PTPRG: variants seen among roughly 807,000 people sequenced by gnomAD.
PTPRG encodes the protein protein tyrosine phosphatase receptor type G, also known as receptor-type tyrosine-protein phosphatase gamma.
PTPRG carries 102 observed loss-of-function variants against 165.3 expected under a neutral mutation model. That is an observed-to-expected ratio of 0.62 (90% CI 0.53 to 0.73). PTPRG has a LOEUF of 0.73. Among genes scored for constraint, PTPRG ranks in the 30% least tolerant of loss-of-function variants. The pLI is 0.00. For missense variants in PTPRG, 1,866 were observed against 1,861.4 expected (o/e 1.00, Z -0.05); for synonymous variants, 675 against 669.5 (o/e 1.01, Z -0.13).
At chr3:61,740,369 C>A (rs1370764314) in intron 1 of PTPRG, among the ~76,000 whole-genome samples, 1 of 152,102 alleles carries the variant, frequency 6.6e-6, no homozygotes, top group African/African-American at 2.4e-5. Context: ...TGGTATTTTT[C>A]AGATTTTCAT....
At chr3:61,599,675 G>C in intron 1 of PTPRG, among the ~76,000 whole-genome samples, 1 of 149,708 alleles carries the variant, frequency 6.7e-6, no homozygotes. Flanking sequence ...TTTTTTTGTA[G>C]TAGAGACGGG....
intron 2 of PTPRG, among the ~76,000 whole-genome samples, chr3:61,976,386 C>T (rs2040507245): frequency 6.6e-6 from 1 of 152,092 alleles, no homozygotes; most frequent in Non-Finnish European, 1.5e-5. Context: ...CCCTAGTTCC[C>T]AAGAGGTCTG....
intron 1 of PTPRG, among the ~76,000 whole-genome samples, chr3:61,655,794 T>C (rs948401863): frequency 3.3e-5 from 5 of 152,138 alleles, no homozygotes; most frequent in Non-Finnish European, 7.4e-5. Context: ...TTTTTGTAGA[T>C]ATAGGATCTC....
At chr3:61,772,304 T>C (rs1410954152) in intron 2 of PTPRG, among the ~76,000 whole-genome samples, 2 of 152,082 alleles carry the variant, frequency 1.3e-5, no homozygotes, top group Admixed American at 1.3e-4. Context: ...TTAGGAATGA[T>C]TGGCCTTTGT....
intron 1 of PTPRG, among the ~76,000 whole-genome samples, chr3:61,696,357 C>A (rs571167020): frequency 4.5e-4 from 69 of 152,182 alleles, no homozygotes; most frequent in African/African-American, 1.6e-3. Context: ...CAAAAATTAG[C>A]CAGGTGTGGT....
At chr3:62,084,076 T>C (rs2526424) in intron 5 of PTPRG, among the ~76,000 whole-genome samples, 50,136 of 152,028 alleles carry the variant, frequency 0.33, 10,399 homozygotes, top group African/African-American at 0.59. Flanking sequence ...AGCATCTACA[T>C]TAAGAAACGT....
intron 15 of PTPRG, among the ~76,000 whole-genome samples, chr3:62,248,915 C>A (rs1187316716): frequency 6.6e-6 from 1 of 152,100 alleles, no homozygotes; most frequent in Non-Finnish European, 1.5e-5. Context: ...CAGCAGGGTG[C>A]CAGAATATAA....
chr3:61,635,631 G>A (rs73098769), intron 1 of PTPRG, among the ~76,000 whole-genome samples: 182 of 152,108 alleles, frequency 1.2e-3, no homozygotes, highest in Non-Finnish European at 2.0e-3. Context: ...ACACATGTGA[G>A]CCACTGCACT....
chr3:61,638,150 C>T (rs1017172785), intron 1 of PTPRG, among the ~76,000 whole-genome samples: 3 of 152,110 alleles, frequency 2.0e-5, no homozygotes, highest in African/African-American at 7.2e-5. Flanking sequence ...TCCCAAGTGG[C>T]CTTATAAAAA....
chr3:62,104,346 T>G (rs1418439038), intron 5 of PTPRG, among the ~76,000 whole-genome samples: 1 of 152,224 alleles, frequency 6.6e-6, no homozygotes, highest in African/African-American at 2.4e-5. Flanking sequence ...CTTTGTTTTG[T>G]CAGCCAAATA....
chr3:62,045,354 T>C (rs1559764492), intron 4 of PTPRG, among the ~76,000 whole-genome samples: 1 of 152,204 alleles, frequency 6.6e-6, no homozygotes, highest in Non-Finnish European at 1.5e-5. Flanking sequence ...GAAGGAAATT[T>C]AAATTTACCC....
At chr3:61,648,996 G>T (rs1702276634) in intron 1 of PTPRG, among the ~76,000 whole-genome samples, 1 of 152,164 alleles carries the variant, frequency 6.6e-6, no homozygotes, top group South Asian at 2.1e-4. Context: ...CAGTGTCAAA[G>T]AACAGTCATA....
chr3:61,890,903 T>C (rs554949413), intron 2 of PTPRG, among the ~76,000 whole-genome samples: 1 of 152,350 alleles, frequency 6.6e-6, no homozygotes, highest in East Asian at 1.9e-4. Context: ...GATAGCTCTT[T>C]GTTTTATAAT....
chr3:62,186,232 T>C (rs1328048550), intron 8 of PTPRG, among the ~76,000 whole-genome samples: 2 of 152,128 alleles, frequency 1.3e-5, no homozygotes, highest in African/African-American at 4.8e-5. Flanking sequence ...CCTCAACACA[T>C]TTGAGGCTCC....
chr3:61,847,663 C>G (rs879355705), intron 2 of PTPRG, among the ~76,000 whole-genome samples: 3 of 152,110 alleles, frequency 2.0e-5, no homozygotes, highest in Non-Finnish European at 4.4e-5. Context: ...AAAACTCAAG[C>G]CAAGAAGATA....
At chr3:61,779,354 C>T (rs1474806235) in intron 2 of PTPRG, among the ~76,000 whole-genome samples, 2 of 152,156 alleles carry the variant, frequency 1.3e-5, no homozygotes, top group Non-Finnish European at 2.9e-5. Flanking sequence ...AGTAAGCCCC[C>T]CTATGAGTGG....
intron 1 of PTPRG, among the ~76,000 whole-genome samples, chr3:61,621,618 G>T (rs1355626463): frequency 6.6e-6 from 1 of 151,708 alleles, no homozygotes. Context: ...TCCTTTATTC[G>T]TGCCAGGGGA....
At chr3:61,598,414 T>C (rs192789350) in intron 1 of PTPRG, among the ~76,000 whole-genome samples, 3 of 152,322 alleles carry the variant, frequency 2.0e-5, no homozygotes, top group Non-Finnish European at 2.9e-5. Context: ...TTCCTTTTCT[T>C]ATCTCTGAAC....
At chr3:62,125,017 G>A (rs1703234637) in intron 5 of PTPRG, among the ~76,000 whole-genome samples, 1 of 152,198 alleles carries the variant, frequency 6.6e-6, no homozygotes, top group Non-Finnish European at 1.5e-5. Flanking sequence ...ACAGTCTGCA[G>A]TAGAATTCAG....
Sources: allele counts gnomAD v4.1 joint callset (sites outside exome capture counted in the v4.1 genomes callset), GRCh38; gene constraint gnomAD v4.1.1; transcripts MANE v1.5; gene names NCBI Gene and HGNC (gene_info 2026-07-23, HGNC 2026-07-21).